The following KCNK18 variants were observed in gnomAD, a reference collection of about 807,000 sequenced individuals.
KCNK18 encodes potassium channel subfamily K member 18.
Under a neutral mutation model 11.8 loss-of-function variants are expected in KCNK18, and 8 were observed. The ratio of observed to expected loss-of-function variants is 0.68; its 90% CI spans 0.40 to 1.22. The LOEUF (loss-of-function observed/expected upper bound fraction) is 1.22. Among genes scored for constraint, KCNK18 ranks in the 50% most tolerant of loss-of-function variants. The pLI is 0.01. For missense variants in KCNK18, 442 were observed against 465.4 expected, an observed-to-expected ratio of 0.95 and a Z score of 0.46; for synonymous variants, 208 against 185.8, an observed-to-expected ratio of 1.12 and a Z score of -0.97.
Position 117,209,954 on chromosome 10 carries a change from T to C in KCNK18, c.810T>C (p.Asp270=). ...RLSYSIISNL[D]EVGQQVERLD... is the part of the protein sequence containing the mutation. ...CATACTCCATCATCAGCAACCTGGATGAAGTTGGACAGCAGGTGGAGAGGT... is the reference window on the plus strand; with the variant it reads ...CATACTCCATCATCAGCAACCTGGACGAAGTTGGACAGCAGGTGGAGAGGT... The change falls in exon 3 of 3, where the codon GAT becomes GAC. Residue 270 remains aspartate, a synonymous_variant. Transcript: ENST00000334549. 6.2e-7 allele frequency: 1 copy of C among 1,614,220 alleles called. No individual in the cohort carries two copies. The highest frequency in any genetic ancestry group is 8.5e-7 in the Non-Finnish European group (1 of 1,180,048).
In KCNK18 at chr10:117,209,316, C is replaced by T. The variant is rs151276517; in HGVS notation, c.353-181C>T. Among the ~76,000 whole-genome samples the T allele has an allele frequency of 7.2e-3, 1,091 of 152,286 alleles. 18 individuals are homozygous for T. Among genetic ancestry groups the T allele is most frequent in the African/African-American group, 0.025 (1,029 of 41,556 alleles). ...AAGGGAAGCTGTTTCACTCCTTTCCCTCCCACCAAAGCAAGCCTAATGCCA... is the reference window on the plus strand; with the variant it reads ...AAGGGAAGCTGTTTCACTCCTTTCCTTCCCACCAAAGCAAGCCTAATGCCA... On this transcript the variant is annotated intron_variant, in intron 2 of 2. Coordinates refer to ENST00000334549, the MANE Select transcript of KCNK18 (RefSeq NM_181840.1).
In KCNK18 at chr10:117,209,882, C is replaced by T. The variant is rs749873730; in HGVS notation, c.738C>T (p.Ala246=). The T allele has an allele frequency of 5.1e-5, 82 of 1,614,096 alleles. No individual in the cohort carries two copies. The highest frequency in any genetic ancestry group is 6.8e-5 in the Non-Finnish European group (80 of 1,180,054). Residue 246 remains alanine, a synonymous_variant, in exon 3 of 3, where the codon GCC becomes GCT. Coordinates refer to ENST00000334549, the MANE Select transcript of KCNK18 (RefSeq NM_181840.1). The stretch of plus-strand genomic sequence containing the variant: ...ACACACTGCAACTGCCCCCACAAGC[C>T]ATGGAGAGGAGTAACTCGTGTCCCG... ...KQNTLQLPPQ[A]MERSNSCPEL...
intron 2 of KCNK18, among the ~76,000 whole-genome samples, chr10:117,208,616 G>A (rs1450856008): frequency 6.6e-6 from 1 of 152,162 alleles, no homozygotes; most frequent in South Asian, 2.1e-4. Context: ...GAGGGCAATT[G>A]TATTTTATTC....
chr10:117,199,308 A>G (rs3847482), intron 1 of KCNK18, among the ~76,000 whole-genome samples: 10,167 of 152,274 alleles, frequency 0.067, 555 homozygotes, highest in Admixed American at 0.16. Context: ...TGACAGAGCC[A>G]GAGATGTCTC....
chr10:117,201,533 A>C (rs58122384), intron 2 of KCNK18, among the ~76,000 whole-genome samples: 10,167 of 152,288 alleles, frequency 0.067, 552 homozygotes, highest in Admixed American at 0.16. Flanking sequence ...ATCCTCACCA[A>C]GAGGTGGGTG....
chr10:117,203,850 T>G (rs1207599291), intron 2 of KCNK18, among the ~76,000 whole-genome samples: 1 of 152,186 alleles, frequency 6.6e-6, no homozygotes, highest in Non-Finnish European at 1.5e-5. Flanking sequence ...CCTGGCTAAT[T>G]TTTGTATTTT....
chr10:117,198,478 C>A (rs1413893436), intron 1 of KCNK18, among the ~76,000 whole-genome samples: 1 of 152,212 alleles, frequency 6.6e-6, no homozygotes, highest in African/African-American at 2.4e-5. Context: ...TCTTGGAAGA[C>A]AGAAGTCACT....
intron 2 of KCNK18, among the ~76,000 whole-genome samples, chr10:117,208,743 C>CTT (rs3981214): frequency 0.058 from 8,367 of 143,118 alleles, 415 homozygotes; most frequent in Admixed American, 0.16. Flanking sequence ...ACAAGGGTAG[C>CTT]TTTTTTTTTT....
At chr10:117,208,290 ACCCAG>A (rs1319021964) in intron 2 of KCNK18, among the ~76,000 whole-genome samples, 1 of 152,114 alleles carries the variant, frequency 6.6e-6, no homozygotes, top group Admixed American at 6.5e-5. Context: ...GCTGACTGAC[ACCCAG>A]CCCACAGGAA....
At chr10:117,208,906 A>G (rs1855108358) in intron 2 of KCNK18, among the ~76,000 whole-genome samples, 1 of 152,000 alleles carries the variant, frequency 6.6e-6, no homozygotes, top group Admixed American at 6.6e-5. Flanking sequence ...ATGCCCAGCT[A>G]ATTTTTCTAT....
chr10:117,204,555 T>C (rs907828020), intron 2 of KCNK18, among the ~76,000 whole-genome samples: 46 of 152,202 alleles, frequency 3.0e-4, no homozygotes, highest in Non-Finnish European at 8.8e-5. Flanking sequence ...TTGCAATGGT[T>C]GTCAAAATGT....
chr10:117,208,142 G>A (rs1429889673), intron 2 of KCNK18, among the ~76,000 whole-genome samples: 1 of 152,168 alleles, frequency 6.6e-6, no homozygotes, highest in Non-Finnish European at 1.5e-5. Flanking sequence ...GACAGCACTG[G>A]TTGGGGACCT....
At position 117,197,727 on chromosome 10, in the gene KCNK18, G is replaced by C. The variant is rs1365474282; in HGVS notation, c.223+16G>C. 6.2e-7 allele frequency: 1 copy of C among 1,607,512 alleles called. No individual in the cohort carries two copies. The highest frequency in any genetic ancestry group is 1.3e-5 in the African/African-American group (1 of 74,752). On this transcript the variant is annotated intron_variant, in intron 1 of 2. Coordinates refer to ENST00000334549, the MANE Select transcript of KCNK18 (RefSeq NM_181840.1). ...AGTGAAACAGGTAGGTGCCTCACCT[G>C]GACAGGGTGGGCCTTTTCTCCGTGG... is the stretch of plus-strand genomic sequence containing the variant.
At chr10:117,202,825 G>A (rs1007992850) in intron 2 of KCNK18, among the ~76,000 whole-genome samples, 17 of 148,966 alleles carry the variant, frequency 1.1e-4, no homozygotes, top group Non-Finnish European at 4.5e-5. Context: ...TTCAGAAATA[G>A]CCACACAGCC....
In KCNK18 at chr10:117,201,283, C is replaced by T. The variant is rs371476846; in HGVS notation, c.348C>T (p.Thr116=). The T allele has an allele frequency of 2.9e-5, 47 of 1,613,166 alleles. No individual in the cohort carries two copies. The highest frequency in any genetic ancestry group is 1.6e-4 in the African/African-American group (12 of 74,974). The change falls in exon 2 of 3, where the codon ACC becomes ACT. Residue 116 remains threonine (T), a synonymous_variant. Coordinates refer to ENST00000334549, the MANE Select transcript of KCNK18 (RefSeq NM_181840.1). The stretch of plus-strand genomic sequence containing the variant: ...TTTTCTGCTGCACGGTGTTCAGCAC[C>T]GTGGGTAAGTGCAAAGCCACAGTCC... ...SLFFCCTVFS[T]VGYGYIYPVT... is the part of the protein sequence containing the mutation.
chr10:117,199,910 C>A (rs928484090), intron 1 of KCNK18, among the ~76,000 whole-genome samples: 1 of 152,188 alleles, frequency 6.6e-6, no homozygotes, highest in African/African-American at 2.4e-5. Flanking sequence ...TCAGGCCAAT[C>A]GAGCCATTCA....
intron 1 of KCNK18, among the ~76,000 whole-genome samples, chr10:117,199,031 G>A (rs1436384767): frequency 6.6e-6 from 1 of 152,190 alleles, no homozygotes; most frequent in African/African-American, 2.4e-5. Context: ...AAGTTTCAAG[G>A]ATAAGGCCAA....
intron 2 of KCNK18, among the ~76,000 whole-genome samples, chr10:117,202,886 C>CTTTTTTTTTTTTTTTTTTTTT (rs201850637): frequency 8.1e-6 from 1 of 123,014 alleles, no homozygotes. Flanking sequence ...TGCCTGAATG[C>CTTTTTTTTTTTTTTTTTTTTT]TTTTTTTTTT....
chr10:117,201,262 C>T lies in KCNK18; in HGVS notation c.327C>T (p.Phe109=), dbSNP rs781555225. 7 of 1,613,838 alleles carry T rather than the reference C, an allele frequency of 4.3e-6. No homozygotes were observed. The South Asian group carries it at 7.7e-5, about 18-fold the overall frequency. ...THWSFLSSLF[F]CCTVFSTVGY... is the part of the protein sequence containing the mutation. ...GGTCCTTCCTGAGCTCGCTCTTTTT[C>T]TGCTGCACGGTGTTCAGCACCGTGG... Residue 109 remains phenylalanine (F), a synonymous_variant, in exon 2 of 3, where the codon TTC becomes TTT. Coordinates refer to ENST00000334549, the MANE Select transcript of KCNK18 (RefSeq NM_181840.1).
Sources: gnomAD v4.1 joint callset for allele counts (sites outside exome capture counted in the v4.1 genomes callset) on GRCh38, gnomAD v4.1.1 for gene constraint, MANE v1.5 for transcripts, NCBI Gene and HGNC (gene_info 2026-07-23, HGNC 2026-07-21) for gene names.